The following ARHGEF26 variants were observed in gnomAD, a reference collection of about 807,000 sequenced individuals.
The protein encoded by ARHGEF26 is Rho guanine nucleotide exchange factor (GEF) 26.
A neutral mutation model predicts 89.4 loss-of-function variants in ARHGEF26; 59 were observed. The observed-to-expected ratio is 0.66, with a 90% CI of 0.54 to 0.82. The LOEUF (loss-of-function observed/expected upper bound fraction) is 0.82, where lower values mean the gene tolerates loss of function less well. ARHGEF26 is among the 40% of genes least tolerant of loss of function. ARHGEF26 has a pLI of 0.00. For synonymous variants in ARHGEF26, 500 were observed against 428.4 expected (o/e 1.17, Z -2.06); for missense variants, 1,234 against 1,085.6 (o/e 1.14, Z -1.92).
chr3:154,189,304 G>A (rs375326914), intron 7 of ARHGEF26, among the ~76,000 whole-genome samples: 1 of 143,702 alleles, frequency 7.0e-6, no homozygotes, highest in Non-Finnish European at 1.5e-5. Flanking sequence ...AATTAGTAGT[G>A]TTTTCAGGGG....
rs573061969 is a variant in ARHGEF26 at position 154,256,822 on chromosome 3, T to C, written c.*1349T>C. ...AAGCCTTAACTTGCTGTATTCAGAGTCCCTCTTAACTGTGAGTTTCTATAG... is the reference window on the plus strand; with the variant it reads ...AAGCCTTAACTTGCTGTATTCAGAGCCCCTCTTAACTGTGAGTTTCTATAG... On this transcript the variant is annotated 3_prime_UTR_variant, in exon 15 of 15. Coordinates refer to ENST00000465093, the MANE Select transcript of ARHGEF26 (RefSeq NM_015595.4). 87 of 1,521,828 alleles carry C rather than the reference T, an allele frequency of 5.7e-5. No individual in the cohort carries two copies. In the Admixed American group the frequency reaches 1.8e-3, roughly 31 times the overall value. 94.3% of individuals were successfully genotyped at this position (1,521,828 alleles called of 1,614,324 possible).
At chr3:154,208,335 G>A (rs565587792) in intron 9 of ARHGEF26, among the ~76,000 whole-genome samples, 17 of 152,092 alleles carry the variant, frequency 1.1e-4, no homozygotes, top group South Asian at 6.2e-4. Context: ...AGGTGTGACC[G>A]CTATCCTCAG....
At chr3:154,126,839 C>T (rs1232206852) in intron 3 of ARHGEF26, among the ~76,000 whole-genome samples, 1 of 152,104 alleles carries the variant, frequency 6.6e-6, no homozygotes, top group Non-Finnish European at 1.5e-5. Context: ...CACCCTTGGG[C>T]AGTTTTGTTG....
chr3:154,189,572 C>T (rs1212771702), intron 7 of ARHGEF26, among the ~76,000 whole-genome samples: 1 of 152,080 alleles, frequency 6.6e-6, no homozygotes, highest in Non-Finnish European at 1.5e-5. Context: ...CTCCTGACCT[C>T]GTGATCCACC....
intron 12 of ARHGEF26, among the ~76,000 whole-genome samples, chr3:154,245,616 T>C (rs1717758598): frequency 1.3e-5 from 2 of 152,244 alleles, no homozygotes; most frequent in South Asian, 4.1e-4. Context: ...CAGTCTCATC[T>C]TGAGAATGCC....
chr3:154,201,004 AT>A (rs55756439), intron 9 of ARHGEF26, among the ~76,000 whole-genome samples: 1 of 151,252 alleles, frequency 6.6e-6, no homozygotes, highest in Non-Finnish European at 1.5e-5. Flanking sequence ...CAAATATAAG[AT>A]TTTTTTTTAT....
chr3:154,134,471 G>A (rs1291905323), intron 4 of ARHGEF26, among the ~76,000 whole-genome samples: 3 of 152,102 alleles, frequency 2.0e-5, no homozygotes, highest in African/African-American at 7.2e-5. Context: ...ATCAGATCTC[G>A]TGAGACTTAC....
chr3:154,167,004 C>T (rs146668891), intron 6 of ARHGEF26, among the ~76,000 whole-genome samples: 1 of 152,092 alleles, frequency 6.6e-6, no homozygotes, highest in African/African-American at 2.4e-5. Context: ...ATCAAACAGC[C>T]AGAGTCTTAA....
At chr3:154,149,822 C>A (rs1301018841) in intron 5 of ARHGEF26, among the ~76,000 whole-genome samples, 8 of 151,774 alleles carry the variant, frequency 5.3e-5, no homozygotes, top group Non-Finnish European at 1.0e-4. Flanking sequence ...ATGTAAGATA[C>A]CCTAGGTTAG....
intron 6 of ARHGEF26, among the ~76,000 whole-genome samples, chr3:154,157,477 A>G (rs375216488): frequency 3.9e-5 from 6 of 152,132 alleles, no homozygotes; most frequent in South Asian, 4.1e-4. Context: ...CCTAAAGCCT[A>G]TGTGGAAACA....
At chr3:154,149,187 T>C (rs1471754723) in intron 4 of ARHGEF26, among the ~76,000 whole-genome samples, 2 of 152,068 alleles carry the variant, frequency 1.3e-5, no homozygotes, top group Non-Finnish European at 2.9e-5. Context: ...GAGTATAAAA[T>C]GCTTAGTATA....
In ARHGEF26 at chr3:154,194,652, TCA is replaced by T. The variant is rs757974223; in HGVS notation, c.1780_1781del (p.Gln594LysfsTer4). On this transcript the variant is annotated frameshift_variant, in exon 9 of 15. Coordinates refer to ENST00000465093, the MANE Select transcript of ARHGEF26 (RefSeq NM_015595.4). LOFTEE classifies it high-confidence loss of function. ...CTTTTATTTCATTACAGACTATCTG[TCA>T]AAAAACACCTAAGGACTCTCCGAAG... ...RLPLLMDTIC[Q>X]KTPKDSPKYE... is the part of the protein sequence containing the mutation. 1.6e-5 allele frequency: 26 copies of T among 1,610,714 alleles called. No homozygotes were observed. Among genetic ancestry groups the T allele is most frequent in the Non-Finnish European group, 2.2e-5 (26 of 1,178,382 alleles).
At chr3:154,128,799 G>A (rs1718494815) in intron 3 of ARHGEF26, among the ~76,000 whole-genome samples, 1 of 152,106 alleles carries the variant, frequency 6.6e-6, no homozygotes, top group Non-Finnish European at 1.5e-5. Flanking sequence ...TCACTCCAGT[G>A]AGGCCTTCCT....
chr3:154,226,432 A>C (rs534688180), intron 11 of ARHGEF26, among the ~76,000 whole-genome samples: 2 of 152,298 alleles, frequency 1.3e-5, no homozygotes, highest in South Asian at 4.1e-4. Flanking sequence ...TTTAAAATGC[A>C]CTGCTTTTAA....
At chr3:154,239,625 G>A (rs1021135782) in intron 11 of ARHGEF26, among the ~76,000 whole-genome samples, 2 of 152,116 alleles carry the variant, frequency 1.3e-5, no homozygotes, top group African/African-American at 2.4e-5. Context: ...ACGAGGCCAA[G>A]TATTTAGAAG....
intron 12 of ARHGEF26, among the ~76,000 whole-genome samples, chr3:154,243,267 GTA>G (rs1387326719): frequency 1.3e-5 from 2 of 152,254 alleles, no homozygotes; most frequent in East Asian, 3.9e-4. Context: ...CCCTTTCCCC[GTA>G]TAGTTAGTAA....
At chr3:154,131,010 C>T (rs1015446223) in intron 4 of ARHGEF26, among the ~76,000 whole-genome samples, 8 of 152,158 alleles carry the variant, frequency 5.3e-5, no homozygotes, top group African/African-American at 9.7e-5. Flanking sequence ...ATACACCAAG[C>T]GCTTTCTCCC....
intron 9 of ARHGEF26, among the ~76,000 whole-genome samples, chr3:154,208,658 CTG>C (rs1323316188): frequency 1.1e-4 from 16 of 151,418 alleles, no homozygotes; most frequent in Non-Finnish European, 1.6e-4. Context: ...TCTCCTCTGA[CTG>C]TGTATTTTCA....
chr3:154,203,937 A>G (rs1167806432), intron 9 of ARHGEF26, among the ~76,000 whole-genome samples: 1 of 151,784 alleles, frequency 6.6e-6, no homozygotes, highest in Non-Finnish European at 1.5e-5. Context: ...AATATTAATC[A>G]TAGATATTGT....
Sources: allele counts gnomAD v4.1 joint callset (sites outside exome capture counted in the v4.1 genomes callset), GRCh38; gene constraint gnomAD v4.1.1; transcripts MANE v1.5; gene names NCBI Gene and HGNC (gene_info 2026-07-23, HGNC 2026-07-21).